NEXMIF: variants seen among roughly 807,000 people sequenced by gnomAD.
NEXMIF encodes the protein neurite extension and migration factor, also known as XLMR protein related to neurite extension.
NEXMIF carries 8 observed loss-of-function variants against 62.1 expected under a neutral mutation model. The ratio of observed to expected loss-of-function variants is 0.13; its 90% confidence interval spans 0.08 to 0.23. The LOEUF is 0.23. NEXMIF is among the 10% of genes least tolerant of loss of function. The pLI is 1.00. For synonymous variants in NEXMIF, 404 were observed against 416.6 expected, an observed-to-expected ratio of 0.97 and a Z score of 0.37; for missense variants, 976 against 1,113.3, an observed-to-expected ratio of 0.88 and a Z score of 1.75.
rs192423833 is a variant in NEXMIF, at chrX:74,796,798, T to G, written c.-47-51101A>C. ...ATGCATAAATGGTGGAGAAAAGACA[T>G]ATCGTCCTAACAGAAGAATTCTAAA... On this transcript the variant is annotated intron_variant, in intron 1 of 3. Coordinates refer to ENST00000055682, the MANE Select transcript of NEXMIF (RefSeq NM_001008537.3). 3.4e-3 allele frequency among the ~76,000 whole-genome samples: 382 copies of G among 111,623 alleles called. 2 individuals carry two copies. The highest frequency in any genetic ancestry group is 0.012 in the African/African-American group (364 of 30,755).
chrX:74,836,685 T>C (rs908071820), intron 1 of NEXMIF, among the ~76,000 whole-genome samples: 7 of 111,660 alleles, frequency 6.3e-5, no homozygotes, highest in African/African-American at 2.3e-4. Context: ...CTCTTTCATC[T>C]TTGTTTTCCT....
In NEXMIF at chrX:74,745,552, C is replaced by G. The variant is rs762393496; in HGVS notation, c.79+20G>C. ...GACTACCAGGAGAGATATTAATATACTATAATTAAATTCCCTTACCATTTT... is the reference window on the plus strand; with the variant it reads ...GACTACCAGGAGAGATATTAATATAGTATAATTAAATTCCCTTACCATTTT... On this transcript the variant is annotated intron_variant, in intron 2 of 3. Transcript: ENST00000055682. 1.8e-6 allele frequency: 2 copies of G among 1,085,091 alleles called. No homozygotes were observed. The allele number at this position is 1,085,091 out of a possible 1,213,427, so 89.4% of individuals were successfully genotyped here. A position where few individuals can be genotyped will look rare whatever the true frequency, so the allele number is the denominator to read the frequency against.
intron 1 of NEXMIF, among the ~76,000 whole-genome samples, chrX:74,891,917 T>C (rs1261999696): frequency 8.9e-6 from 1 of 112,292 alleles, no homozygotes; most frequent in Non-Finnish European, 1.9e-5. Context: ...AGGGAAGTCA[T>C]AAAGAATACA....
At chrX:74,857,036 C>T (rs1191965366) in intron 1 of NEXMIF, among the ~76,000 whole-genome samples, 1 of 112,341 alleles carries the variant, frequency 8.9e-6, no homozygotes, top group Non-Finnish European at 1.9e-5. Flanking sequence ...GCAAGCTTTG[C>T]CATCATCTGC....
chrX:74,913,961 AG>A (rs779837034), intron 1 of NEXMIF, among the ~76,000 whole-genome samples: 1 of 112,527 alleles, frequency 8.9e-6, no homozygotes, highest in Non-Finnish European at 1.9e-5. Flanking sequence ...TAGAAACCTC[AG>A]AAAGAAACAA....
chrX:74,781,157 G>C (rs1362265575), intron 1 of NEXMIF, among the ~76,000 whole-genome samples: 1 of 111,924 alleles, frequency 8.9e-6, no homozygotes, highest in Non-Finnish European at 1.9e-5. Context: ...TCTCCTTTTA[G>C]CTTTCAGAGG....
At chrX:74,896,749 GTA>G (rs2080734031) in intron 1 of NEXMIF, among the ~76,000 whole-genome samples, 1 of 111,757 alleles carries the variant, frequency 8.9e-6, no homozygotes, top group East Asian at 2.8e-4. Context: ...ACTGGAGTGT[GTA>G]TGTGTGACAG....
chrX:74,886,133 T>C (rs2147362060), intron 1 of NEXMIF, among the ~76,000 whole-genome samples: 1 of 111,900 alleles, frequency 8.9e-6, no homozygotes, highest in South Asian at 3.8e-4. Flanking sequence ...AAATTAGGTA[T>C]TGATGGGACG....
intron 1 of NEXMIF, among the ~76,000 whole-genome samples, chrX:74,828,689 G>A (rs765554125): frequency 7.1e-5 from 8 of 112,078 alleles, no homozygotes; most frequent in Admixed American, 9.5e-5. Context: ...CCAGGCAACC[G>A]TGAAACAACA....
At chrX:74,745,142 C>T (rs1188080735) in intron 2 of NEXMIF, among the ~76,000 whole-genome samples, 1 of 109,999 alleles carries the variant, frequency 9.1e-6, no homozygotes, top group African/African-American at 3.3e-5. Flanking sequence ...CCACCACACC[C>T]GGCTAATTTT....
intron 1 of NEXMIF, among the ~76,000 whole-genome samples, chrX:74,841,689 CG>C: frequency 9.0e-6 from 1 of 111,537 alleles, no homozygotes; most frequent in Non-Finnish European, 1.9e-5. Context: ...TTAACATAAA[CG>C]GATGTTGAAT....
At chrX:74,753,873 G>A (rs1366090076) in intron 1 of NEXMIF, among the ~76,000 whole-genome samples, 1 of 112,453 alleles carries the variant, frequency 8.9e-6, no homozygotes, top group Admixed American at 9.4e-5. Context: ...AATAAATTCA[G>A]CTATTTAATA....
chrX:74,733,946 C>A lies in NEXMIF; in HGVS notation c.*5459G>T, dbSNP rs1416545208. 3 of 112,295 alleles carry A rather than the reference C, an allele frequency of 2.7e-5. No homozygotes were observed. The highest frequency in any genetic ancestry group is 9.7e-5 in the African/African-American group (3 of 30,896). 9.3% of individuals were successfully genotyped at this position (112,295 alleles called of 1,213,427 possible). On this transcript the variant is annotated 3_prime_UTR_variant, in exon 4 of 4. Transcript: ENST00000055682. ...ACTCTCACATACAGACACTTCACAGCACTTTTCTAAGAAAAATATACACTT... is the reference window on the plus strand; with the variant it reads ...ACTCTCACATACAGACACTTCACAGAACTTTTCTAAGAAAAATATACACTT...
chrX:74,840,812 G>T (rs1167429939), intron 1 of NEXMIF, among the ~76,000 whole-genome samples: 4 of 111,022 alleles, frequency 3.6e-5, no homozygotes, highest in African/African-American at 1.3e-4. Flanking sequence ...CCTCACTTCT[G>T]GGCTTTCTAT....
chrX:74,859,646 C>G (rs2147498625), intron 1 of NEXMIF, among the ~76,000 whole-genome samples: 1 of 111,314 alleles, frequency 9.0e-6, no homozygotes, highest in South Asian at 3.8e-4. Context: ...GTAAACTACT[C>G]TTAAGTAGAA....
At chrX:74,771,536 A>C (rs2080210247) in intron 1 of NEXMIF, among the ~76,000 whole-genome samples, 1 of 110,818 alleles carries the variant, frequency 9.0e-6, no homozygotes, top group Non-Finnish European at 1.9e-5. Flanking sequence ...ATAATATAAT[A>C]ATAATAGTGA....
chrX:74,785,975 A>G (rs1183837085), intron 1 of NEXMIF, among the ~76,000 whole-genome samples: 2 of 112,722 alleles, frequency 1.8e-5, no homozygotes, highest in Non-Finnish European at 3.7e-5. Context: ...TGTTTATGAA[A>G]TATATGTTTT....
At chrX:74,896,156 A>G (rs771927573) in intron 1 of NEXMIF, among the ~76,000 whole-genome samples, 4 of 111,676 alleles carry the variant, frequency 3.6e-5, no homozygotes, top group African/African-American at 9.8e-5. Context: ...ATATAAAGCA[A>G]TAAGTCCTTC....
intron 1 of NEXMIF, among the ~76,000 whole-genome samples, chrX:74,858,714 T>C (rs1441132611): frequency 1.8e-5 from 2 of 111,074 alleles, no homozygotes. Context: ...GAAACAGATA[T>C]GTGAACATTC....
Sources: gnomAD v4.1 joint callset for allele counts (sites outside exome capture counted in the v4.1 genomes callset) on GRCh38, gnomAD v4.1.1 for gene constraint, MANE v1.5 for transcripts, NCBI Gene and HGNC (gene_info 2026-07-23, HGNC 2026-07-21) for gene names.